Variants in CHODL observed in about 807,000 individuals in gnomAD.
CHODL encodes transmembrane protein MT75.
CHODL carries 29 observed loss-of-function variants against 34.5 expected under a neutral mutation model. That is an observed-to-expected ratio of 0.84 (90% confidence interval 0.63 to 1.15). CHODL has a LOEUF of 1.15. Ranked by LOEUF, CHODL falls within the 50% of genes most tolerant of loss-of-function variation. CHODL has a pLI of 0.00. For synonymous variants in CHODL, 125 were observed against 116.1 expected, an observed-to-expected ratio of 1.08 and a Z score of -0.49; for missense variants, 332 against 332.5, an observed-to-expected ratio of 1.00 and a Z score of 0.01.
At chr21:18,041,697 A>G (rs753893626) in intron 2 of CHODL, among the ~76,000 whole-genome samples, 8 of 151,930 alleles carry the variant, frequency 5.3e-5, no homozygotes, top group Non-Finnish European at 1.2e-4. Context: ...GAATAGGCTC[A>G]ATTTAAAATA....
At chr21:18,104,249 G>T (rs1432230752) in intron 2 of CHODL, among the ~76,000 whole-genome samples, 2 of 152,066 alleles carry the variant, frequency 1.3e-5, no homozygotes, top group Non-Finnish European at 2.9e-5. Context: ...CCATACACGT[G>T]TCAAGGTAAT....
chr21:18,007,075 A>G (rs1214787710), intron 1 of CHODL, among the ~76,000 whole-genome samples: 1 of 152,172 alleles, frequency 6.6e-6, no homozygotes, highest in Non-Finnish European at 1.5e-5. Context: ...AGATTTCTAT[A>G]GCAAATGTGT....
intron 1 of CHODL, among the ~76,000 whole-genome samples, chr21:17,963,627 A>G (rs1472062054): frequency 2.0e-5 from 3 of 152,320 alleles, no homozygotes; most frequent in African/African-American, 7.2e-5. Flanking sequence ...GGTCCCTCCC[A>G]TGACATGTAG....
At chr21:18,155,879 A>G (rs1465574221) in intron 2 of CHODL, among the ~76,000 whole-genome samples, 2 of 152,202 alleles carry the variant, frequency 1.3e-5, no homozygotes, top group Non-Finnish European at 2.9e-5. Context: ...GATAAAGGCC[A>G]CTTACAGTAA....
chr21:18,256,442 G>A, intron 1 of CHODL, 67 bp from the exon 2 acceptor site: 1 of 1,391,102 alleles, frequency 7.2e-7, no homozygotes, highest in Admixed American at 2.4e-5. Context: ...CTTACATTTT[G>A]ATTCTTAGTG....
intron 1 of CHODL, among the ~76,000 whole-genome samples, chr21:17,919,629 A>T (rs1021100692): frequency 1.3e-5 from 2 of 152,124 alleles, no homozygotes; most frequent in South Asian, 4.1e-4. Flanking sequence ...GGTCTCTGAC[A>T]TGCCCTGGAG....
chr21:17,992,718 GTTTTTTTTTTT>G (rs869044440), intron 1 of CHODL, among the ~76,000 whole-genome samples: 2 of 57,228 alleles, frequency 3.5e-5, no homozygotes, highest in Non-Finnish European at 6.4e-5. Context: ...TGGTGGAGTT[GTTTTTTTTTTT>G]TTTTTTTTTT....
At chr21:18,245,865 C>T (rs1346185811) in intron 1 of CHODL, 2 of 1,518,468 alleles carry the variant, frequency 1.3e-6, no homozygotes, top group African/African-American at 2.8e-5. Flanking sequence ...CGTGTAGATG[C>T]CTTTCCTTTG....
intron 2 of CHODL, among the ~76,000 whole-genome samples, chr21:18,207,881 CTT>C (rs2073730762): frequency 6.6e-6 from 1 of 151,652 alleles, no homozygotes; most frequent in South Asian, 2.1e-4. Flanking sequence ...TTTTAGGATT[CTT>C]TCTTGATCTT....
chr21:17,998,672 G>A (rs2063875297), intron 1 of CHODL, among the ~76,000 whole-genome samples: 1 of 152,216 alleles, frequency 6.6e-6, no homozygotes, highest in Admixed American at 6.5e-5. Flanking sequence ...GCCAAGGCTT[G>A]GGGCTTCCAC....
intron 2 of CHODL, among the ~76,000 whole-genome samples, chr21:18,160,785 A>G (rs555432340): frequency 4.5e-4 from 68 of 152,276 alleles, no homozygotes; most frequent in African/African-American, 1.4e-3. Context: ...ATAGTGCTGT[A>G]ATGAACATAC....
chr21:18,242,690 C>T (rs905224412), upstream of CHODL, among the ~76,000 whole-genome samples: 1 of 152,202 alleles, frequency 6.6e-6, no homozygotes, highest in Non-Finnish European at 1.5e-5. Context: ...AGAATAACTG[C>T]TGAACAGCCT....
At chr21:18,259,610 T>C (rs2074356919) in intron 3 of CHODL, among the ~76,000 whole-genome samples, 1 of 152,074 alleles carries the variant, frequency 6.6e-6, no homozygotes, top group Non-Finnish European at 1.5e-5. Context: ...CAAGCTTTAA[T>C]TTAGTGTTAT....
chr21:18,003,904 C>T (rs149782), intron 1 of CHODL, among the ~76,000 whole-genome samples: 57,627 of 151,930 alleles, frequency 0.38, 13,280 homozygotes, highest in African/African-American at 0.66. Flanking sequence ...TAGGTTTGGG[C>T]ATAAGAATAA....
intron 2 of CHODL, among the ~76,000 whole-genome samples, chr21:18,124,614 G>T (rs549864541): frequency 6.6e-6 from 1 of 152,288 alleles, no homozygotes; most frequent in African/African-American, 2.4e-5. Flanking sequence ...AATTTTCGTG[G>T]TGAGAATGTT....
intron 1 of CHODL, among the ~76,000 whole-genome samples, chr21:17,953,032 G>C (rs1452495122): frequency 6.6e-6 from 1 of 152,036 alleles, no homozygotes; most frequent in Non-Finnish European, 1.5e-5. Context: ...CCTCCCACCA[G>C]GTCCCTCCCT....
At chr21:18,074,090 C>A (rs2064836829) in intron 2 of CHODL, among the ~76,000 whole-genome samples, 1 of 151,942 alleles carries the variant, frequency 6.6e-6, no homozygotes, top group Non-Finnish European at 1.5e-5. Context: ...TGGATTACTG[C>A]TGAATAAATT....
rs537792972 is a variant in CHODL at position 17,934,255 on chromosome 21, C to A, written c.-145+16855C>A. Among the ~76,000 whole-genome samples the A allele has an allele frequency of 2.1e-4, 32 of 151,402 alleles. 1 individual carries two copies. Among genetic ancestry groups the A allele is most frequent in the Middle Eastern group, 3.4e-3 (1 of 292 alleles). On this transcript the variant is annotated intron_variant, in intron 1 of 6. Transcript: ENST00000400127. ...AAAATAAAAAAAAAAAACACATTCT[C>A]AAAAAACAGTAAAATAAAGTAGAAC...
intron 1 of CHODL, among the ~76,000 whole-genome samples, chr21:17,941,194 T>C (rs1392414005): frequency 6.6e-6 from 1 of 152,068 alleles, no homozygotes; most frequent in South Asian, 2.1e-4. Context: ...CAAACTCTTA[T>C]GTTCCTTTAG....
Sources: gnomAD v4.1 joint callset for allele counts (sites outside exome capture counted in the v4.1 genomes callset) on GRCh38, gnomAD v4.1.1 for gene constraint, MANE v1.5 for transcripts, NCBI Gene and HGNC (gene_info 2026-07-23, HGNC 2026-07-21) for gene names.